XKR4: variants seen among roughly 807,000 people sequenced by gnomAD.
XKR4 encodes the protein XK related 4.
Under a neutral mutation model 53.9 loss-of-function variants are expected in XKR4, and 12 were observed. That is an observed-to-expected ratio of 0.22 (90% CI 0.14 to 0.36). XKR4 has a LOEUF of 0.36. XKR4 is among the 10% of genes least tolerant of loss of function. The pLI, the probability that XKR4 is intolerant of heterozygous loss-of-function variation, is 1.00. For synonymous variants in XKR4, 354 were observed against 362.4 expected, an observed-to-expected ratio of 0.98 and a Z score of 0.26; for missense variants, 799 against 859.5, an observed-to-expected ratio of 0.93 and a Z score of 0.88.
At chr8:55,401,529 G>T (rs1804601843) in intron 2 of XKR4, among the ~76,000 whole-genome samples, 1 of 152,246 alleles carries the variant, frequency 6.6e-6, no homozygotes, top group Admixed American at 6.5e-5. Flanking sequence ...AGCTCCAGCT[G>T]AGGCTCCTGC....
intron 2 of XKR4, among the ~76,000 whole-genome samples, chr8:55,424,363 G>A (rs1804980937): frequency 6.6e-6 from 1 of 152,194 alleles, no homozygotes; most frequent in South Asian, 2.1e-4. Context: ...GCCAGAATGT[G>A]GACTTAACGC....
intron 1 of XKR4, among the ~76,000 whole-genome samples, chr8:55,269,164 G>T (rs1818653030): frequency 6.6e-6 from 1 of 152,052 alleles, no homozygotes; most frequent in Admixed American, 6.6e-5. Context: ...AAGCCCAGAT[G>T]AATTTTCTTT....
chr8:55,312,912 C>CT, intron 1 of XKR4, among the ~76,000 whole-genome samples: 1 of 152,290 alleles, frequency 6.6e-6, no homozygotes, highest in East Asian at 1.9e-4. Flanking sequence ...TAGATGTGGA[C>CT]TCTGTCTCCT....
Position 55,186,471 on chromosome 8 carries a change from T to C in XKR4, c.806+83177T>C, listed in dbSNP as rs551460264. On this transcript the variant is annotated intron_variant, in intron 1 of 2. Transcript: ENST00000327381. ...GAGATCGAGACCATCCTGGCTAACA[T>C]GGTGAAACCCCGTCTCTACTAAAAA... Among the ~76,000 whole-genome samples the C allele has an allele frequency of 2.0e-4, 31 of 151,884 alleles. No homozygotes were observed. The South Asian group carries it at 2.5e-3, about 12-fold the overall frequency.
At chr8:55,276,335 A>G (rs879896934) in intron 1 of XKR4, among the ~76,000 whole-genome samples, 4 of 152,232 alleles carry the variant, frequency 2.6e-5, no homozygotes, top group Admixed American at 6.5e-5. Context: ...GAAACAGCAG[A>G]TTTTGGACAA....
At chr8:55,203,250 C>A (rs564158604) in intron 1 of XKR4, among the ~76,000 whole-genome samples, 2 of 152,380 alleles carry the variant, frequency 1.3e-5, no homozygotes, top group African/African-American at 2.4e-5. Flanking sequence ...ATGCTGTCCT[C>A]GCTTCTCTGC....
rs11313216 is a variant in XKR4, at chr8:55,532,796, C to CAAAAAAAAAA, written c.*8584_*8593dup. ...TGGGTGACAGAGCAAGACTCCGTCT[C>CAAAAAAAAAA]AAAAAAAAAAAAAAAAAAAAAAAAG... is the stretch of plus-strand genomic sequence containing the variant. On this transcript the variant is annotated 3_prime_UTR_variant, in exon 3 of 3. Coordinates refer to ENST00000327381, the MANE Select transcript of XKR4 (RefSeq NM_052898.2). The CAAAAAAAAAA allele has an allele frequency of 1.4e-5, 1 of 70,948 alleles. No individual in the cohort carries two copies. Among genetic ancestry groups the CAAAAAAAAAA allele is most frequent in the Non-Finnish European group, 2.6e-5 (1 of 38,350 alleles). The allele number at this position is 70,948 out of a possible 1,614,324, so 4.4% of individuals were successfully genotyped here.
intron 1 of XKR4, among the ~76,000 whole-genome samples, chr8:55,304,250 T>C (rs914177855): frequency 6.6e-6 from 1 of 152,230 alleles, no homozygotes; most frequent in African/African-American, 2.4e-5. Context: ...CTTCATTTCG[T>C]TATGTACCCA....
intron 1 of XKR4, among the ~76,000 whole-genome samples, chr8:55,260,045 A>G (rs1047029928): frequency 6.6e-6 from 1 of 151,812 alleles, no homozygotes; most frequent in African/African-American, 2.4e-5. Context: ...CTTGCTGTCT[A>G]TCTCCCCTAC....
intron 2 of XKR4, among the ~76,000 whole-genome samples, chr8:55,460,114 T>C (rs1480684172): frequency 6.6e-5 from 10 of 151,178 alleles, no homozygotes; most frequent in Non-Finnish European, 7.4e-5. Flanking sequence ...GAATAACAAC[T>C]GATAGATACA....
At position 55,321,600 on chromosome 8, in the gene XKR4, G is replaced by A. The variant is rs1363966016; in HGVS notation, c.807-36078G>A. On this transcript the variant is annotated intron_variant, in intron 1 of 2. Transcript: ENST00000327381. Reference sequence around the variant, plus strand: ...CTCATCCTTCCCTACCTACTCATTAGAATTTTTACCTTAAATGGTGGATAT... The same window carrying A: ...CTCATCCTTCCCTACCTACTCATTAAAATTTTTACCTTAAATGGTGGATAT... 3.3e-5 allele frequency among the ~76,000 whole-genome samples: 5 copies of A among 152,088 alleles called. No individual in the cohort carries two copies. In the South Asian group the frequency reaches 8.3e-4, roughly 25 times the overall value.
At chr8:55,371,610 T>C (rs1302405606) in intron 2 of XKR4, among the ~76,000 whole-genome samples, 1 of 152,174 alleles carries the variant, frequency 6.6e-6, no homozygotes, top group Non-Finnish European at 1.5e-5. Context: ...AACAACTTCA[T>C]AAGGAAAGAA....
intron 2 of XKR4, among the ~76,000 whole-genome samples, chr8:55,500,312 T>A (rs1319763537): frequency 2.0e-5 from 3 of 152,170 alleles, no homozygotes; most frequent in African/African-American, 7.2e-5. Flanking sequence ...AAGTGTAAGA[T>A]ATCTTCACCA....
chr8:55,466,396 A>G (rs1174628127), intron 2 of XKR4, among the ~76,000 whole-genome samples: 39 of 151,924 alleles, frequency 2.6e-4, no homozygotes, highest in Non-Finnish European at 7.4e-5. Context: ...CTAAAAACCA[A>G]ACACCTCGTG....
At chr8:55,505,145 T>C (rs1177723914) in intron 2 of XKR4, among the ~76,000 whole-genome samples, 1 of 152,150 alleles carries the variant, frequency 6.6e-6, no homozygotes, top group East Asian at 1.9e-4. Context: ...AGCTAGATTA[T>C]TGATTTGAGA....
intron 1 of XKR4, among the ~76,000 whole-genome samples, chr8:55,160,790 G>T (rs1816973372): frequency 6.6e-6 from 1 of 152,142 alleles, no homozygotes; most frequent in Non-Finnish European, 1.5e-5. Context: ...TAAGAATAGG[G>T]ACTGTTACAT....
Position 55,371,311 on chromosome 8 carries a change from C to G in XKR4, c.1006+13434C>G, listed in dbSNP as rs369276724. ...ATGTGCCCGTGTCTGTGCAGCAATG[C>G]TGGTGATCAGTCTCCACAAAGCAAT... On this transcript the variant is annotated intron_variant, in intron 2 of 2. Transcript: ENST00000327381. 1.1e-4 allele frequency among the ~76,000 whole-genome samples: 16 copies of G among 152,122 alleles called. No individual in the cohort carries two copies. The South Asian group carries it at 3.3e-3, about 32-fold the overall frequency.
rs1263273333 is a variant in XKR4, at chr8:55,530,186, AGG to A, written c.*5960_*5961del. 4.3e-5 allele frequency: 6 copies of A among 140,228 alleles called. No individual in the cohort carries two copies. Among genetic ancestry groups the A allele is most frequent in the African/African-American group, 1.4e-4 (5 of 36,034 alleles). The allele number at this position is 140,228 out of a possible 1,614,324, so 8.7% of individuals were successfully genotyped here. A position where few individuals can be genotyped will look rare whatever the true frequency, so the allele number is the denominator to read the frequency against. On this transcript the variant is annotated 3_prime_UTR_variant, in exon 3 of 3. Transcript: ENST00000327381. ...AAGGAAGGAAGGAAGGAAGGAAGGA[AGG>A]AAGGAAGGAAGGAAGGAAGGAGATT...
In XKR4 at chr8:55,535,496, C is replaced by T. The variant is rs1312449730; in HGVS notation, c.*11269C>T. On this transcript the variant is annotated 3_prime_UTR_variant, in exon 3 of 3. Coordinates refer to ENST00000327381, the MANE Select transcript of XKR4 (RefSeq NM_052898.2). ...AAAGAAAATGTTCATTTTCTGAACC[C>T]CAGAGCCCACATAGGTACAAAGATA... The T allele has an allele frequency of 6.6e-6, 1 of 151,610 alleles. No individual in the cohort carries two copies. The highest frequency in any genetic ancestry group is 2.4e-5 in the African/African-American group (1 of 41,228). 9.4% of individuals were successfully genotyped at this position (151,610 alleles called of 1,614,324 possible).
Sources: gnomAD v4.1 joint callset for allele counts (sites outside exome capture counted in the v4.1 genomes callset) on GRCh38, gnomAD v4.1.1 for gene constraint, MANE v1.5 for transcripts, NCBI Gene and HGNC (gene_info 2026-07-23, HGNC 2026-07-21) for gene names.